Variants in C4orf51 observed in about 807,000 individuals in gnomAD.
C4orf51 encodes the protein chromosome 4 open reading frame 51, also known as uncharacterized protein C4orf51.
Under a neutral mutation model 25.2 loss-of-function variants are expected in C4orf51, and 25 were observed. The observed-to-expected ratio is 0.99, with a 90% CI of 0.72 to 1.39. C4orf51 has a LOEUF of 1.39. C4orf51 is among the 40% of genes most tolerant of loss of function. C4orf51 has a pLI of 0.00. For missense variants in C4orf51, 252 were observed against 239.6 expected, an observed-to-expected ratio of 1.05 and a Z score of -0.34; for synonymous variants, 100 against 84.5, an observed-to-expected ratio of 1.18 and a Z score of -1.01.
chr4:145,779,157 T>TC, the C4orf51 span, among the ~76,000 whole-genome samples: 27 of 152,336 alleles, frequency 1.8e-4, no homozygotes, highest in South Asian at 3.9e-3. Flanking sequence ...GTGTATATTT[T>TC]CTCATCGGTC....
rs912907222 is a variant in C4orf51 at position 145,762,378 on chromosome 4, T to C, written n.167-8610T>C. Reference sequence around the variant, plus strand: ...ACTGCTATCTGGAGCTCGAAGACATTATTAATACATGATTATGCCGGAGAT... The same window carrying C: ...ACTGCTATCTGGAGCTCGAAGACATCATTAATACATGATTATGCCGGAGAT... On this transcript the variant is annotated intron_variant and non_coding_transcript_variant, in intron 1 of 1. Coordinates refer to the C4orf51 transcript ENST00000510096. This position sits in a 1 kb window ranked among gnomAD's most constrained non-coding sequence, Gnocchi z 4.9. 6.6e-6 allele frequency among the ~76,000 whole-genome samples: 1 copy of C among 152,092 alleles called. No individual in the cohort carries two copies. Among genetic ancestry groups the C allele is most frequent in the Non-Finnish European group, 1.5e-5 (1 of 68,030 alleles).
At chr4:145,701,809 A>T (rs548874901) in intron 2 of C4orf51, among the ~76,000 whole-genome samples, 1 of 151,040 alleles carries the variant, frequency 6.6e-6, no homozygotes, top group South Asian at 2.1e-4. Flanking sequence ...TCTTTTATGC[A>T]CTCTTTTTTA....
At chr4:145,744,797 G>A (rs997189117) in intron 1 of C4orf51, among the ~76,000 whole-genome samples, 3 of 151,068 alleles carry the variant, frequency 2.0e-5, no homozygotes, top group African/African-American at 7.3e-5. Flanking sequence ...AGCTTGCAGT[G>A]AGCCAAGATA....
chr4:145,727,117 G>T, intron 3 of C4orf51, 148 bp downstream of exon 3: 1 of 601,680 alleles, frequency 1.7e-6, no homozygotes. Context: ...TATTTTGTGT[G>T]TGGCTTTCTA....
At chr4:145,726,506 A>G (rs1732065590) in intron 2 of C4orf51, among the ~76,000 whole-genome samples, 1 of 152,070 alleles carries the variant, frequency 6.6e-6, no homozygotes. Context: ...GGCTCAGGCA[A>G]TCCTCCTGCC....
At chr4:145,771,353 A>C (rs1736249695), downstream of C4orf51, among the ~76,000 whole-genome samples, 1 of 151,862 alleles carries the variant, frequency 6.6e-6, no homozygotes, top group African/African-American at 2.4e-5. Flanking sequence ...TAAATATTCT[A>C]TTTTCTTCAG....
intron 2 of C4orf51, among the ~76,000 whole-genome samples, chr4:145,701,981 A>T (rs1414700004): frequency 1.3e-5 from 2 of 151,800 alleles, no homozygotes; most frequent in Admixed American, 6.6e-5. Context: ...ACCTTAACCC[A>T]CAAGTATAGG....
chr4:145,713,127 A>C (rs1017126563), intron 2 of C4orf51, among the ~76,000 whole-genome samples: 1 of 152,164 alleles, frequency 6.6e-6, no homozygotes, highest in African/African-American at 2.4e-5. Flanking sequence ...TCACTCAAGA[A>C]CTCTGACGGA....
intron 2 of C4orf51, among the ~76,000 whole-genome samples, chr4:145,697,054 C>T (rs956104492): frequency 2.0e-5 from 3 of 151,076 alleles, no homozygotes; most frequent in African/African-American, 7.3e-5. Context: ...ACAAAACCAA[C>T]CAACCAACCA....
At chr4:145,736,633 TTGCTCTCCAATCGGCTTGGCCATCTA>T (rs1732819990), downstream of C4orf51, among the ~76,000 whole-genome samples, 1 of 152,200 alleles carries the variant, frequency 6.6e-6, no homozygotes, top group Admixed American at 6.5e-5. Flanking sequence ...GACTCAATAT[TTGCTCTCCAATCGGCTTGGCCATCTA>T]TTGTTTATCC....
At chr4:145,759,476 A>C (rs1379687381) in intron 1 of C4orf51, 5 of 152,218 alleles carry the variant, frequency 3.3e-5, no homozygotes, top group Non-Finnish European at 5.9e-5. Context: ...AACAAAATGG[A>C]ATACAGAATT....
the C4orf51 span, among the ~76,000 whole-genome samples, chr4:145,785,860 T>C: frequency 2.9e-3 from 444 of 152,338 alleles, 6 homozygotes; most frequent in Middle Eastern, 0.034. Context: ...ATACTCTTGG[T>C]TACACATGTG....
downstream of C4orf51, chr4:145,775,920 A>G (rs765059931): frequency 6.2e-7 from 1 of 1,614,216 alleles, no homozygotes; most frequent in South Asian, 1.1e-5. Context: ...CACGGCACTT[A>G]GCAGCATAGG....
chr4:145,696,510 T>TATGGA, intron 1 of C4orf51, 49 bp from the exon 2 acceptor site: 9 of 1,454,752 alleles, frequency 6.2e-6, no homozygotes, highest in Non-Finnish European at 8.7e-6. Flanking sequence ...TTCATGTGAT[T>TATGGA]TATAAATCCA....
chr4:145,723,490 G>C (rs977854495), intron 2 of C4orf51, among the ~76,000 whole-genome samples: 3 of 151,806 alleles, frequency 2.0e-5, no homozygotes, highest in Non-Finnish European at 4.4e-5. Flanking sequence ...TAAATGATTA[G>C]AAGACCTGGA....
At chr4:145,706,406 G>A (rs1273137857) in intron 2 of C4orf51, among the ~76,000 whole-genome samples, 3 of 152,196 alleles carry the variant, frequency 2.0e-5, no homozygotes, top group South Asian at 4.2e-4. Flanking sequence ...CTCTCCTCTT[G>A]TGGTCTCAAG....
rs774978361 is a variant in C4orf51, at chr4:145,732,482, G to A, written c.531G>A (p.Lys177=). The part of the protein sequence containing the change: ...HLHGRCDSES[K]VCSSEDSEAD... ...ATGGACGGTGCGATTCTGAAAGCAAGGTTTGCTCATCTGAGGATTCAGAAG... is the reference window on the plus strand; with the variant it reads ...ATGGACGGTGCGATTCTGAAAGCAAAGTTTGCTCATCTGAGGATTCAGAAG... Residue 177 remains lysine, a synonymous_variant, in exon 6 of 6, where the codon AAG becomes AAA. Coordinates refer to ENST00000438731, the MANE Select transcript of C4orf51 (RefSeq NM_001080531.3). The A allele has an allele frequency of 5.0e-6, 8 of 1,610,914 alleles. No homozygotes were observed. In the African/African-American group the frequency reaches 9.3e-5, roughly 19 times the overall value.
chr4:145,719,646 C>T (rs1397357884), intron 2 of C4orf51, among the ~76,000 whole-genome samples: 1 of 151,194 alleles, frequency 6.6e-6, no homozygotes, highest in East Asian at 1.9e-4. Flanking sequence ...CAATGACAGC[C>T]TTTAGAATCC....
At chr4:145,766,029 G>A (rs1241119666) in intron 1 of C4orf51, among the ~76,000 whole-genome samples, 3 of 152,126 alleles carry the variant, frequency 2.0e-5, no homozygotes, top group African/African-American at 4.8e-5. Flanking sequence ...ATGTTACCAC[G>A]TTCCAGGAAC....
Sources: allele counts gnomAD v4.1 joint callset (sites outside exome capture counted in the v4.1 genomes callset), GRCh38; gene constraint gnomAD v4.1.1; non-coding constraint Gnocchi (gnomAD v3.1); transcripts MANE v1.5; gene names NCBI Gene and HGNC (gene_info 2026-07-23, HGNC 2026-07-21).